The following TENM2 variants were observed in gnomAD, a reference collection of about 807,000 sequenced individuals.
TENM2 encodes teneurin transmembrane protein 2, also known as teneurin-2.
TENM2 carries 52 observed loss-of-function variants against 245.2 expected under a neutral mutation model. The observed-to-expected ratio is 0.21, with a 90% CI of 0.17 to 0.27. TENM2 has a LOEUF of 0.27. TENM2 is among the 10% of genes least tolerant of loss of function. The probability of loss-of-function intolerance (pLI) is 1.00; values close to 1 mark genes in which losing one functional copy is unlikely to be tolerated. For synonymous variants in TENM2, 1,363 were observed against 1,438.9 expected, an observed-to-expected ratio of 0.95 and a Z score of 1.19; for missense variants, 3,046 against 3,666.8, an observed-to-expected ratio of 0.83 and a Z score of 4.37.
rs138760051 is a variant in TENM2, at chr5:167,441,572, A to G, written c.502+66099A>G. On this transcript the variant is annotated intron_variant, in intron 2 of 28. Coordinates refer to ENST00000518659, the Ensembl canonical transcript of TENM2. ...CAGAAATCCTCTTTTATCATATTCA[A>G]TGGGGAAAATCAATTGCAAAGTAAT... Among the ~76,000 whole-genome samples the G allele has an allele frequency of 2.6e-3, 381 of 146,844 alleles. 2 individuals carry two copies. The highest frequency in any genetic ancestry group is 0.011 in the Middle Eastern group (3 of 278).
intron 1 of TENM2, among the ~76,000 whole-genome samples, chr5:167,305,014 C>T (rs755786140): frequency 3.3e-5 from 5 of 152,112 alleles, no homozygotes; most frequent in African/African-American, 4.8e-5. Flanking sequence ...TACATGAGCA[C>T]GGAGAGGGAT....
the TENM2 span, among the ~76,000 whole-genome samples, chr5:167,140,582 T>G: frequency 1.3e-5 from 2 of 152,214 alleles, no homozygotes; most frequent in African/African-American, 4.8e-5. Flanking sequence ...AGATTTTTCC[T>G]GAAACTGACA....
chr5:167,316,485 C>T (rs1435496035), intron 1 of TENM2, among the ~76,000 whole-genome samples: 1 of 152,132 alleles, frequency 6.6e-6, no homozygotes, highest in Non-Finnish European at 1.5e-5. Flanking sequence ...TTCTTTCTTT[C>T]TTTCTGAAGA....
chr5:168,040,058 C>G (rs1788050085), intron 5 of TENM2, among the ~76,000 whole-genome samples: 1 of 152,154 alleles, frequency 6.6e-6, no homozygotes, highest in African/African-American at 2.4e-5. Context: ...CTGGTCTTTC[C>G]CTGTGGATTC....
the TENM2 span, among the ~76,000 whole-genome samples, chr5:167,028,069 C>CAAAAA: frequency 2.2e-5 from 2 of 92,692 alleles, no homozygotes; most frequent in Non-Finnish European, 4.1e-5. Flanking sequence ...GATTCCATCT[C>CAAAAA]AAAAAAAAAA....
intron 2 of TENM2, among the ~76,000 whole-genome samples, chr5:167,733,283 G>C (rs1262818615): frequency 6.6e-6 from 1 of 152,166 alleles, no homozygotes; most frequent in African/African-American, 2.4e-5. Flanking sequence ...AGAATGTCTA[G>C]TCAGTGCTGT....
intron 5 of TENM2, 38 bp downstream of exon 7, chr5:167,993,220 G>A: frequency 6.5e-7 from 1 of 1,535,640 alleles, no homozygotes; most frequent in South Asian, 1.1e-5. Context: ...CGCTGGGGAT[G>A]ACAACATGAG....
the TENM2 span, among the ~76,000 whole-genome samples, chr5:167,181,466 TTGTG>T: frequency 0.03 from 3,698 of 122,550 alleles, 81 homozygotes; most frequent in African/African-American, 0.065. Flanking sequence ...AGCCGCTCGT[TTGTG>T]TGTGTGTGTG....
intron 2 of TENM2, among the ~76,000 whole-genome samples, chr5:167,507,961 A>G (rs556035165): frequency 1.9e-4 from 29 of 152,180 alleles, no homozygotes; most frequent in Middle Eastern, 3.4e-3. Context: ...ATAGTTCACA[A>G]ATGATTAGCG....
At chr5:167,327,332 T>C (rs1446273233) in intron 1 of TENM2, among the ~76,000 whole-genome samples, 2 of 152,248 alleles carry the variant, frequency 1.3e-5, no homozygotes, top group African/African-American at 2.4e-5. Flanking sequence ...TCTACAAATA[T>C]GTTTTGATTG....
chr5:167,445,364 G>GAA (rs1765134126), intron 2 of TENM2, among the ~76,000 whole-genome samples: 1 of 141,234 alleles, frequency 7.1e-6, no homozygotes, highest in East Asian at 2.1e-4. Flanking sequence ...GAGAGAGAGA[G>GAA]AGAGAGTGTC....
chr5:167,391,361 C>G (rs931718152), intron 2 of TENM2, among the ~76,000 whole-genome samples: 1 of 152,000 alleles, frequency 6.6e-6, no homozygotes, highest in African/African-American at 2.4e-5. Context: ...CATAGTGGCT[C>G]ACGTGTGTAA....
intron 2 of TENM2, among the ~76,000 whole-genome samples, chr5:167,773,869 AC>A (rs1366241772): frequency 6.6e-6 from 1 of 152,074 alleles, no homozygotes; most frequent in Non-Finnish European, 1.5e-5. Context: ...CATATTTTAC[AC>A]CATGCAAAAG....
chr5:168,085,668 TGAG>T (rs1165818028), intron 7 of TENM2: 1 of 152,294 alleles, frequency 6.6e-6, no homozygotes, highest in East Asian at 1.9e-4. Flanking sequence ...TGAGCTTTAA[TGAG>T]GAATCAGCTG....
chr5:167,549,416 C>T (rs1772784015), intron 2 of TENM2, among the ~76,000 whole-genome samples: 1 of 152,156 alleles, frequency 6.6e-6, no homozygotes, highest in Non-Finnish European at 1.5e-5. Flanking sequence ...TACTGAATAA[C>T]AAAACTAACA....
At chr5:167,279,821 A>G (rs1176159526), upstream of TENM2, among the ~76,000 whole-genome samples, 1 of 152,126 alleles carries the variant, frequency 6.6e-6, no homozygotes, top group African/African-American at 2.4e-5. Context: ...GTGTGCCCAT[A>G]ATTGTCCATT....
intron 4 of TENM2, among the ~76,000 whole-genome samples, chr5:167,957,232 T>TTTC (rs1780630778): frequency 6.6e-6 from 1 of 152,188 alleles, no homozygotes; most frequent in African/African-American, 2.4e-5. Context: ...AATTTATCCA[T>TTTC]TTCTTCTAGA....
chr5:167,989,425 A>G (rs1179263667), intron 4 of TENM2, among the ~76,000 whole-genome samples: 2 of 152,118 alleles, frequency 1.3e-5, no homozygotes, highest in Non-Finnish European at 2.9e-5. Flanking sequence ...AGAAAAAGCC[A>G]TTTGATTCAA....
intron 2 of TENM2, among the ~76,000 whole-genome samples, chr5:167,463,971 T>C (rs1232305269): frequency 6.6e-6 from 1 of 152,172 alleles, no homozygotes; most frequent in African/African-American, 2.4e-5. Flanking sequence ...GCATGAGAGC[T>C]CTGAGTTTGA....
Sources: allele counts gnomAD v4.1 joint callset (sites outside exome capture counted in the v4.1 genomes callset), GRCh38; gene constraint gnomAD v4.1.1; transcripts MANE v1.5; gene names NCBI Gene and HGNC (gene_info 2026-07-23, HGNC 2026-07-21).